SPPL3: variants seen among roughly 807,000 people sequenced by gnomAD.
SPPL3 encodes the protein signal peptide peptidase-like 3.
Under a neutral mutation model 42.4 loss-of-function variants are expected in SPPL3, and 5 were observed. The observed-to-expected ratio is 0.12, with a 90% CI of 0.06 to 0.25. The LOEUF (loss-of-function observed/expected upper bound fraction) is 0.25, where lower values mean the gene tolerates loss of function less well. SPPL3 is among the 10% of genes least tolerant of loss of function. The probability of loss-of-function intolerance (pLI) is 1.00; values close to 1 mark genes in which losing one functional copy is unlikely to be tolerated. For missense variants in SPPL3, 235 were observed against 489.0 expected, an observed-to-expected ratio of 0.48 and a Z score of 4.90; for synonymous variants, 195 against 181.8, an observed-to-expected ratio of 1.07 and a Z score of -0.58.
intron 1 of SPPL3, among the ~76,000 whole-genome samples, chr12:120,871,146 A>AAAAAAAAAAAG (rs1242592629): frequency 1.5e-4 from 23 of 149,854 alleles, no homozygotes; most frequent in African/African-American, 5.4e-4. Context: ...AAAAAAAAAA[A>AAAAAAAAAAAG]AAAGAAAAAG....
intron 6 of SPPL3, among the ~76,000 whole-genome samples, chr12:120,774,569 A>T (rs1869244784): frequency 6.6e-6 from 1 of 152,094 alleles, no homozygotes; most frequent in Non-Finnish European, 1.5e-5. Context: ...CTCTAGTCTA[A>T]GTTCCGTGTA....
Position 120,765,085 on chromosome 12 carries a change from ACTTT to A in SPPL3, c.1084-19_1084-16del. 9.9e-6 allele frequency: 16 copies of A among 1,612,640 alleles called. No individual in the cohort carries two copies. Among genetic ancestry groups the A allele is most frequent in the Non-Finnish European group, 1.4e-5 (16 of 1,179,354 alleles). ...CGGAGGTCGCCCTGGGAAACAAGGGACTTTCTAAGTTACAGATTTAAACATGAGG... is the reference window on the plus strand; with the variant it reads ...CGGAGGTCGCCCTGGGAAACAAGGGACTAAGTTACAGATTTAAACATGAGG... On this transcript the variant is annotated splice_polypyrimidine_tract_variant and intron_variant, in intron 10 of 10. Coordinates refer to ENST00000353487, the MANE Select transcript of SPPL3 (RefSeq NM_139015.5).
intron 6 of SPPL3, among the ~76,000 whole-genome samples, chr12:120,771,311 C>G (rs1461707088): frequency 6.6e-6 from 1 of 152,220 alleles, no homozygotes; most frequent in Non-Finnish European, 1.5e-5. Context: ...CAGCAGCCTC[C>G]TCACTCTACC....
At position 120,904,345 on chromosome 12, in the gene SPPL3, C is replaced by G. The variant is rs1317599893; in HGVS notation, c.-478G>C. On this transcript the variant is annotated 5_prime_UTR_variant, in exon 1 of 11. Coordinates refer to ENST00000353487, the MANE Select transcript of SPPL3 (RefSeq NM_139015.5). ...GATGAGGCGAGGCCACTCGATCACACCCGCCGAGGGGAGGAGGGGCGGGGG... is the reference window on the plus strand; with the variant it reads ...GATGAGGCGAGGCCACTCGATCACAGCCGCCGAGGGGAGGAGGGGCGGGGG... The G allele has an allele frequency of 1.2e-5, 2 of 163,766 alleles. No individual in the cohort carries two copies. The highest frequency in any genetic ancestry group is 2.6e-5 in the Non-Finnish European group (2 of 75,936). 10.1% of individuals were successfully genotyped at this position (163,766 alleles called of 1,614,324 possible).
At chr12:120,840,989 T>C (rs1422580993) in intron 1 of SPPL3, among the ~76,000 whole-genome samples, 1 of 151,828 alleles carries the variant, frequency 6.6e-6, no homozygotes, top group Non-Finnish European at 1.5e-5. Context: ...TAGAATTCTA[T>C]ATTATGAAGG....
rs1356163165 is a variant in SPPL3 at position 120,762,856 on chromosome 12, T to TGC, written c.*2141_*2142dup. 6.6e-6 allele frequency: 1 copy of TGC among 152,220 alleles called. No homozygotes were observed. Among genetic ancestry groups the TGC allele is most frequent in the African/African-American group, 2.4e-5 (1 of 41,420 alleles). 9.4% of individuals were successfully genotyped at this position (152,220 alleles called of 1,614,324 possible). A position where few individuals can be genotyped will look rare whatever the true frequency, so the allele number is the denominator to read the frequency against. On this transcript the variant is annotated 3_prime_UTR_variant, in exon 11 of 11. Coordinates refer to ENST00000353487, the MANE Select transcript of SPPL3 (RefSeq NM_139015.5). Reference sequence around the variant, plus strand: ...ATCCACCTGCCTCGGCCTCCCAAAGTGCTGGGATTACAGGCATGAAGGATA... The same window carrying TGC: ...ATCCACCTGCCTCGGCCTCCCAAAGTGCGCTGGGATTACAGGCATGAAGGATA...
intron 2 of SPPL3, among the ~76,000 whole-genome samples, chr12:120,800,064 A>C (rs562311877): frequency 6.6e-6 from 1 of 152,334 alleles, no homozygotes; most frequent in East Asian, 1.9e-4. Context: ...TCTTCACAGA[A>C]GACTACTCTT....
At chr12:120,828,922 A>C (rs921289783) in intron 1 of SPPL3, among the ~76,000 whole-genome samples, 1 of 151,786 alleles carries the variant, frequency 6.6e-6, no homozygotes, top group Non-Finnish European at 1.5e-5. Flanking sequence ...CTTCCGGCTA[A>C]GTTTTTTATT....
chr12:120,870,804 G>C (rs1188552911), intron 1 of SPPL3, among the ~76,000 whole-genome samples: 12 of 152,092 alleles, frequency 7.9e-5, no homozygotes, highest in Non-Finnish European at 2.9e-5. Context: ...CAGTGGAATG[G>C]TGGCTGCCAG....
In SPPL3 at chr12:120,765,026, G is replaced by A. The variant is rs1320010554; in HGVS notation, c.1128C>T (p.Ser376=). The part of the protein sequence containing the change: ...RMWSEPFHSK[S]SSSRFLEV ...ATACTTCCAGGAATCGGGAGCTGCT[G>A]GACTTGGAGTGGAAAGGCTCAGACC... The change falls in exon 11 of 11, where the codon TCC becomes TCT. Residue 376 remains serine (S), a synonymous_variant. Coordinates refer to ENST00000353487, the MANE Select transcript of SPPL3 (RefSeq NM_139015.5). The A allele has an allele frequency of 6.2e-7, 1 of 1,613,920 alleles. No individual in the cohort carries two copies. The highest frequency in any genetic ancestry group is 8.5e-7 in the Non-Finnish European group (1 of 1,179,926).
intron 3 of SPPL3, among the ~76,000 whole-genome samples, chr12:120,787,418 T>C (rs749206676): frequency 6.6e-6 from 1 of 152,100 alleles, no homozygotes; most frequent in African/African-American, 2.4e-5. Flanking sequence ...CATGGGAAAA[T>C]AAATTTCTAT....
intron 6 of SPPL3, among the ~76,000 whole-genome samples, chr12:120,777,156 G>A (rs1869351170): frequency 6.6e-6 from 1 of 152,192 alleles, no homozygotes; most frequent in Admixed American, 6.5e-5. Flanking sequence ...ATCTGGTTTA[G>A]ATTCTAACCA....
intron 3 of SPPL3, among the ~76,000 whole-genome samples, chr12:120,788,175 G>A (rs1291332533): frequency 1.3e-5 from 2 of 152,184 alleles, no homozygotes; most frequent in Non-Finnish European, 2.9e-5. Context: ...CATCAGCACT[G>A]GGAATGGTCA....
intron 3 of SPPL3, among the ~76,000 whole-genome samples, chr12:120,789,824 CAAAAAAAAAAAAAA>C (rs3050392): frequency 6.6e-5 from 2 of 30,462 alleles, no homozygotes; most frequent in African/African-American, 2.2e-4. Context: ...GACTCCGTCT[CAAAAAAAAAAAAAA>C]AAAAAAAAAA....
At chr12:120,767,630 C>T (rs779047635) in intron 8 of SPPL3, 37 bp from the exon 9 acceptor site, 1 of 1,603,260 alleles carries the variant, frequency 6.2e-7, no homozygotes, top group Non-Finnish European at 8.5e-7. Context: ...ACGTCACACT[C>T]TACAATCCAG....
chr12:120,843,503 T>C (rs545323415), intron 1 of SPPL3, among the ~76,000 whole-genome samples: 46 of 152,312 alleles, frequency 3.0e-4, no homozygotes, highest in African/African-American at 1.1e-3. Flanking sequence ...TTCTCCAACA[T>C]CACCATCTAC....
chr12:120,851,894 G>A (rs1039150242), intron 1 of SPPL3, among the ~76,000 whole-genome samples: 30 of 152,060 alleles, frequency 2.0e-4, no homozygotes, highest in Admixed American at 1.2e-3. Flanking sequence ...GTGAGCCACC[G>A]TACCTGGCCC....
intron 2 of SPPL3, among the ~76,000 whole-genome samples, chr12:120,792,575 C>T (rs1038685469): frequency 4.0e-5 from 6 of 151,462 alleles, no homozygotes; most frequent in Admixed American, 6.6e-5. Context: ...TGGTGCGTGC[C>T]GGTAGTTCCA....
chr12:120,898,317 A>T (rs1377685994), intron 1 of SPPL3, among the ~76,000 whole-genome samples: 13,427 of 96,184 alleles, frequency 0.14, 759 homozygotes, highest in Non-Finnish European at 0.21. Context: ...TTTTTTTTAA[A>T]AAAAAAAAAA....
Sources: allele counts gnomAD v4.1 joint callset (sites outside exome capture counted in the v4.1 genomes callset), GRCh38; gene constraint gnomAD v4.1.1; transcripts MANE v1.5; gene names NCBI Gene and HGNC (gene_info 2026-07-23, HGNC 2026-07-21).